The following LINGO2 variants were observed in gnomAD, a reference collection of about 807,000 sequenced individuals.
The protein encoded by LINGO2 is leucine rich repeat and Ig domain containing 2.
Under a neutral mutation model 30.6 loss-of-function variants are expected in LINGO2, and 14 were observed. The observed-to-expected ratio is 0.46, with a 90% CI of 0.30 to 0.72. The LOEUF is 0.72. Ranked by LOEUF, LINGO2 falls within the 30% of genes least tolerant of loss-of-function variation. The probability of loss-of-function intolerance (pLI) is 0.07; values close to 1 mark genes in which losing one functional copy is unlikely to be tolerated. For missense variants in LINGO2, 729 were observed against 751.7 expected (o/e 0.97, Z 0.35); for synonymous variants, 317 against 288.5 (o/e 1.10, Z -1.00).
intron 4 of LINGO2, among the ~76,000 whole-genome samples, chr9:28,013,617 G>A (rs901529127): frequency 6.6e-6 from 1 of 152,166 alleles, no homozygotes; most frequent in Admixed American, 6.5e-5. Context: ...ATAGTAAGTA[G>A]CTCTACTTTT....
the LINGO2 span, among the ~76,000 whole-genome samples, chr9:28,744,653 T>C: frequency 4.0e-5 from 6 of 150,378 alleles, no homozygotes; most frequent in Non-Finnish European, 8.9e-5. Flanking sequence ...TTTTTTTTTT[T>C]TGAGATGGAG....
chr9:28,663,688 AC>A (rs1274570661), intron 1 of LINGO2, among the ~76,000 whole-genome samples: 1 of 152,186 alleles, frequency 6.6e-6, no homozygotes, highest in African/African-American at 2.4e-5. Flanking sequence ...AATATAAGTG[AC>A]TGAAAATATA....
At chr9:28,561,381 A>T (rs1823048639) in intron 1 of LINGO2, among the ~76,000 whole-genome samples, 2 of 151,846 alleles carry the variant, frequency 1.3e-5, no homozygotes, top group Non-Finnish European at 2.9e-5. Context: ...GAATCTGTGG[A>T]TTAAAACAGA....
At chr9:29,015,334 T>A in the LINGO2 span, among the ~76,000 whole-genome samples, 2 of 152,168 alleles carry the variant, frequency 1.3e-5, no homozygotes, top group South Asian at 4.1e-4. Context: ...TTTGCACATA[T>A]ATTAAATATA....
chr9:29,016,218 T>C, the LINGO2 span, among the ~76,000 whole-genome samples: 1 of 152,176 alleles, frequency 6.6e-6, no homozygotes, highest in East Asian at 1.9e-4. Context: ...ATAGTACTCA[T>C]TCATTTCCCT....
chr9:28,013,121 G>A (rs767269819), intron 4 of LINGO2, among the ~76,000 whole-genome samples: 21 of 152,144 alleles, frequency 1.4e-4, no homozygotes, highest in African/African-American at 1.9e-4. Context: ...TAGGGTACCC[G>A]AGTGTATTTT....
At chr9:28,678,264 T>C in the LINGO2 span, among the ~76,000 whole-genome samples, 6 of 152,076 alleles carry the variant, frequency 3.9e-5, no homozygotes, top group African/African-American at 9.7e-5. Flanking sequence ...CCAGGCTCCA[T>C]CTGTGCTGAA....
At chr9:28,114,698 G>A (rs1393943668) in intron 4 of LINGO2, among the ~76,000 whole-genome samples, 6 of 117,032 alleles carry the variant, frequency 5.1e-5, no homozygotes, top group Non-Finnish European at 1.0e-4. Context: ...TTTTATTTGC[G>A]TAGAGGTGTT....
the LINGO2 span, among the ~76,000 whole-genome samples, chr9:28,739,844 T>C: frequency 6.6e-6 from 1 of 151,418 alleles, no homozygotes; most frequent in South Asian, 2.1e-4. Flanking sequence ...TTAATATTAT[T>C]TTTGAAGATA....
the LINGO2 span, among the ~76,000 whole-genome samples, chr9:29,091,879 G>A: frequency 6.6e-6 from 1 of 151,980 alleles, no homozygotes; most frequent in Non-Finnish European, 1.5e-5. Context: ...TTTTGTTTTA[G>A]ATTTTGTCTT....
At chr9:28,497,584 C>T (rs527953321) in intron 1 of LINGO2, among the ~76,000 whole-genome samples, 34 of 152,224 alleles carry the variant, frequency 2.2e-4, no homozygotes, top group African/African-American at 7.9e-4. Flanking sequence ...AGGTTTTTAG[C>T]TTCTTTGTGA....
At chr9:28,913,602 TA>T in the LINGO2 span, among the ~76,000 whole-genome samples, 1 of 152,118 alleles carries the variant, frequency 6.6e-6, no homozygotes. Context: ...TTAATCAAAA[TA>T]GAGAAAGAAT....
At chr9:28,324,814 A>G (rs1478908544) in intron 3 of LINGO2, among the ~76,000 whole-genome samples, 1 of 152,168 alleles carries the variant, frequency 6.6e-6, no homozygotes, top group African/African-American at 2.4e-5. Context: ...ACATATAAGC[A>G]GCTGAGCAGC....
intron 4 of LINGO2, chr9:28,080,646 G>T (rs2133216167): frequency 6.6e-6 from 1 of 152,278 alleles, no homozygotes; most frequent in East Asian, 1.9e-4. Context: ...CCCTCACAAG[G>T]TGTAGACAGA....
chr9:29,067,302 T>C, the LINGO2 span, among the ~76,000 whole-genome samples: 1 of 151,720 alleles, frequency 6.6e-6, no homozygotes, highest in Non-Finnish European at 1.5e-5. Context: ...GCTGAAACCG[T>C]AGTGATACAC....
the LINGO2 span, among the ~76,000 whole-genome samples, chr9:28,790,002 C>A: frequency 1.2e-4 from 19 of 152,102 alleles, no homozygotes; most frequent in Non-Finnish European, 2.2e-4. Context: ...CATGGTTTAA[C>A]TATCTGTGGC....
chr9:28,376,880 C>A (rs986882733), intron 2 of LINGO2, among the ~76,000 whole-genome samples: 3 of 152,046 alleles, frequency 2.0e-5, no homozygotes, highest in Non-Finnish European at 4.4e-5. Context: ...AGAGTTGAAA[C>A]AAATTTTCAG....
chr9:28,931,561 C>T, the LINGO2 span, among the ~76,000 whole-genome samples: 2 of 152,122 alleles, frequency 1.3e-5, no homozygotes, highest in Non-Finnish European at 2.9e-5. Context: ...TTGTCCTTAA[C>T]TACAACATGT....
At chr9:28,400,541 G>A (rs1822220121) in intron 2 of LINGO2, among the ~76,000 whole-genome samples, 1 of 152,166 alleles carries the variant, frequency 6.6e-6, no homozygotes, top group African/African-American at 2.4e-5. Context: ...TTGTTGGAGA[G>A]TTAAGAATAA....
Sources: allele counts gnomAD v4.1 joint callset (sites outside exome capture counted in the v4.1 genomes callset), GRCh38; gene constraint gnomAD v4.1.1; transcripts MANE v1.5; gene names NCBI Gene and HGNC (gene_info 2026-07-23, HGNC 2026-07-21).